The following PCGF3 variants were observed in gnomAD, a reference collection of about 807,000 sequenced individuals.
PCGF3 encodes the protein polycomb group RING finger protein 3.
A neutral mutation model predicts 33.1 loss-of-function variants in PCGF3; 7 were observed. The observed-to-expected ratio is 0.21, with a 90% CI of 0.12 to 0.40. The LOEUF is 0.40. Among genes scored for constraint, PCGF3 ranks in the 10% least tolerant of loss-of-function variants. The probability of loss-of-function intolerance (pLI) is 1.00; values close to 1 mark genes in which losing one functional copy is unlikely to be tolerated. For synonymous variants in PCGF3, 153 were observed against 121.3 expected, an observed-to-expected ratio of 1.26 and a Z score of -1.72; for missense variants, 211 against 313.3, an observed-to-expected ratio of 0.67 and a Z score of 2.46.
At chr4:769,027 GTTA>G (rs1272214698) in exon 11 of PCGF3, 6 of 152,648 alleles carry the variant, frequency 3.9e-5, no homozygotes, top group African/African-American at 1.2e-4. Context: ...GTTTTTCATT[GTTA>G]TTATTGTGAG....
chr4:769,950 T>C (rs1745554647), exon 11 of PCGF3: 1 of 152,702 alleles, frequency 6.5e-6, no homozygotes, highest in African/African-American at 2.4e-5. Context: ...GTGTAATTTT[T>C]GTACTCTTGG....
At chr4:755,871 T>C (rs1364399593) in intron 8 of PCGF3, among the ~76,000 whole-genome samples, 1 of 149,714 alleles carries the variant, frequency 6.7e-6, no homozygotes, top group Non-Finnish European at 1.5e-5. Context: ...GGAGAGTACA[T>C]ACCCCTCCTC....
intron 1 of PCGF3, among the ~76,000 whole-genome samples, chr4:708,261 A>G (rs183241694): frequency 6.6e-6 from 1 of 152,256 alleles, no homozygotes; most frequent in Admixed American, 6.5e-5. Flanking sequence ...AGGCTCTCAA[A>G]GAGGACCTGA....
At chr4:733,362 C>T (rs1422689326) in intron 3 of PCGF3, among the ~76,000 whole-genome samples, 2 of 152,216 alleles carry the variant, frequency 1.3e-5, no homozygotes, top group Non-Finnish European at 2.9e-5. Context: ...GATCCTGCCT[C>T]TCTGCAGCTT....
intron 4 of PCGF3, chr4:734,659 C>T (rs1274863086): frequency 7.8e-6 from 10 of 1,287,278 alleles, no homozygotes; most frequent in Non-Finnish European, 9.9e-6. Context: ...CACCTTTGAG[C>T]ATCATCTCCC....
At chr4:731,370 G>A (rs1332752905) in intron 3 of PCGF3, 6 of 397,524 alleles carry the variant, frequency 1.5e-5, no homozygotes, top group African/African-American at 8.2e-5. Context: ...GGTTCCCGGC[G>A]TGTCGCTGAG....
intron 1 of PCGF3, among the ~76,000 whole-genome samples, chr4:722,678 TCCACACTC>T (rs1743144233): frequency 1.8e-5 from 2 of 109,118 alleles, no homozygotes; most frequent in African/African-American, 7.5e-5. Context: ...CTGCGCTGGG[TCCACACTC>T]GCGTCATCAC....
In PCGF3 at chr4:744,697, G is replaced by A. The variant is rs200470763; in HGVS notation, c.462+9G>A. 551 of 1,522,734 alleles carry A rather than the reference G, an allele frequency of 3.6e-4. 9 individuals carry two copies. In the African/African-American group the frequency reaches 7.3e-3, roughly 20 times the overall value. The allele number at this position is 1,522,734 out of a possible 1,614,324, so 94.3% of individuals were successfully genotyped here. A position where few individuals can be genotyped will look rare whatever the true frequency, so the allele number is the denominator to read the frequency against. Reference sequence around the variant, plus strand: ...ACCGCAGCGACGAGCAGGTGGGCGGGGCCCGGGGGTCGCTGCAGTGTTAGT... The same window carrying A: ...ACCGCAGCGACGAGCAGGTGGGCGGAGCCCGGGGGTCGCTGCAGTGTTAGT... On this transcript the variant is annotated intron_variant, in intron 8 of 10. Transcript: ENST00000362003.
At chr4:749,313 C>T (rs1468851887) in intron 8 of PCGF3, among the ~76,000 whole-genome samples, 7 of 151,620 alleles carry the variant, frequency 4.6e-5, no homozygotes, top group South Asian at 2.1e-4. Context: ...TACAGGCATG[C>T]GCCACCACGC....
chr4:761,551 C>G (rs911472541), intron 9 of PCGF3, 135 bp downstream of exon 9: 2 of 1,393,484 alleles, frequency 1.4e-6, no homozygotes, highest in African/African-American at 1.5e-5. Context: ...TCCGTTTTGC[C>G]TGCTTCACCG....
chr4:711,305 T>C (rs1287413053), intron 1 of PCGF3, among the ~76,000 whole-genome samples: 1 of 152,252 alleles, frequency 6.6e-6, no homozygotes, highest in Non-Finnish European at 1.5e-5. Flanking sequence ...AATTCTTTAC[T>C]TGGGTTTTTT....
In PCGF3 at chr4:750,180, T is replaced by C. The variant is rs1015527379; in HGVS notation, c.462+5492T>C. On this transcript the variant is annotated intron_variant, in intron 8 of 10. Coordinates refer to ENST00000362003, the Ensembl canonical transcript of PCGF3. ...TCCCTGCGGACTTTGATGAATAATATTTTCACTGGCATTCATTTCTAAAGA... is the reference window on the plus strand; with the variant it reads ...TCCCTGCGGACTTTGATGAATAATACTTTCACTGGCATTCATTTCTAAAGA... 2.0e-5 allele frequency among the ~76,000 whole-genome samples: 3 copies of C among 152,248 alleles called. No individual in the cohort carries two copies. In the East Asian group the frequency reaches 5.8e-4, roughly 29 times the overall value.
chr4:751,892 C>T (rs1744531606), intron 8 of PCGF3, among the ~76,000 whole-genome samples: 1 of 152,374 alleles, frequency 6.6e-6, no homozygotes. Context: ...CGCAGGCCCC[C>T]TCGCTGCCAC....
chr4:765,438 A>G (rs567316046), intron 10 of PCGF3, among the ~76,000 whole-genome samples: 1,952 of 152,224 alleles, frequency 0.013, 48 homozygotes, highest in African/African-American at 0.045. Context: ...GTCTCAAAAA[A>G]AAAAAAAAAG....
chr4:764,723 C>A, intron 9 of PCGF3: 1 of 390,240 alleles, frequency 2.6e-6, no homozygotes, highest in East Asian at 4.8e-5. Flanking sequence ...AACGTCATCC[C>A]CCTAACTGGC....
At chr4:762,021 G>T in intron 9 of PCGF3, 4 of 985,398 alleles carry the variant, frequency 4.1e-6, no homozygotes, top group Non-Finnish European at 4.8e-6. Context: ...GCCAGCGCCA[G>T]GAGTTGCAGG....
intron 1 of PCGF3, among the ~76,000 whole-genome samples, chr4:718,211 G>A (rs1415217218): frequency 1.3e-5 from 2 of 152,142 alleles, no homozygotes; most frequent in Admixed American, 6.5e-5. Flanking sequence ...TCAAAGCAGG[G>A]TTGGGCCAGA....
At chr4:733,919 G>C (rs1368918636) in intron 4 of PCGF3, 130 bp downstream of exon 4, 1 of 1,568,472 alleles carries the variant, frequency 6.4e-7, no homozygotes, top group Non-Finnish European at 8.6e-7. Flanking sequence ...AGGACCAGGG[G>C]CAGAGACGAT....
chr4:718,488 T>C (rs1442121116), intron 1 of PCGF3, among the ~76,000 whole-genome samples: 1 of 152,198 alleles, frequency 6.6e-6, no homozygotes, highest in African/African-American at 2.4e-5. Context: ...AAACACTTAA[T>C]TTAAAAAATG....
Sources: allele counts gnomAD v4.1 joint callset (sites outside exome capture counted in the v4.1 genomes callset), GRCh38; gene constraint gnomAD v4.1.1; transcripts MANE v1.5; gene names NCBI Gene and HGNC (gene_info 2026-07-23, HGNC 2026-07-21).